The following RBMS2 variants were observed in gnomAD, a reference collection of about 807,000 sequenced individuals.
RBMS2 encodes the protein RNA-binding motif, single-stranded-interacting protein 2.
A neutral mutation model predicts 58.4 loss-of-function variants in RBMS2; 38 were observed. The observed-to-expected ratio is 0.65, with a 90% CI of 0.50 to 0.85. The LOEUF (loss-of-function observed/expected upper bound fraction) is 0.85, where lower values mean the gene tolerates loss of function less well. RBMS2 is among the 40% of genes least tolerant of loss of function. The pLI is 0.00. For missense variants in RBMS2, 367 were observed against 503.7 expected (o/e 0.73, Z 2.60); for synonymous variants, 151 against 180.7 (o/e 0.84, Z 1.32).
intron 1 of RBMS2, among the ~76,000 whole-genome samples, chr12:56,536,628 C>T (rs576485342): frequency 6.0e-5 from 9 of 150,766 alleles, no homozygotes; most frequent in East Asian, 3.9e-4. Flanking sequence ...AGTGCAGTGG[C>T]GTGATCTTGG....
At chr12:56,549,900 A>G (rs1179498710) in intron 1 of RBMS2, among the ~76,000 whole-genome samples, 1 of 152,056 alleles carries the variant, frequency 6.6e-6, no homozygotes, top group Admixed American at 6.6e-5. Context: ...GGTGGTGGGC[A>G]CTGTAATCCC....
Position 56,581,255 on chromosome 12 carries a change from G to C in RBMS2, c.614G>C (p.Gly205Ala), listed in dbSNP as rs371720843. ...FNGKYIKTPP[G>A]VPAPSDPLLC... ...GGAAAATATATTAAGACACCCCCTG[G>C]AGTACCAGGTGAGGCATCTGGGGCT... The change falls in exon 6 of 14, where the codon GGA becomes GCA. Residue 205 changes from glycine to alanine, a missense_variant. Gly to Ala is a moderately conservative substitution (Grantham distance 60, BLOSUM62 0). Transcript: ENST00000262031. 112 of 1,603,870 alleles carry C rather than the reference G, an allele frequency of 7.0e-5. No individual in the cohort carries two copies. Among genetic ancestry groups the C allele is most frequent in the Non-Finnish European group, 9.4e-5 (110 of 1,170,824 alleles).
intron 1 of RBMS2, among the ~76,000 whole-genome samples, chr12:56,536,969 G>A (rs1337890623): frequency 6.8e-6 from 1 of 147,664 alleles, no homozygotes; most frequent in Non-Finnish European, 1.5e-5. Context: ...TGTGCAGGCT[G>A]GAGTGCAGTG....
chr12:56,587,586 C>G lies in RBMS2; in HGVS notation c.984C>G (p.Pro328=), dbSNP rs78436673. The G allele has an allele frequency of 7.2e-4, 1,156 of 1,614,068 alleles. 9 individuals are homozygous for G. In the African/African-American group the frequency reaches 0.014, roughly 20 times the overall value. ...TTCTGACACCAGGGATGGACCATCC[C>G]ATTTCTCTCCAGCCTGCCTCCATGA... ...GSVLTPGMDH[P]ISLQPASMMG... The change falls in exon 11 of 14, where the codon CCC becomes CCG. Residue 328 remains proline, a synonymous_variant. Transcript: ENST00000262031.
chr12:56,587,277 A>AG (rs1884803725), intron 10 of RBMS2, among the ~76,000 whole-genome samples: 1 of 152,148 alleles, frequency 6.6e-6, no homozygotes, highest in African/African-American at 2.4e-5. Flanking sequence ...CAAAAAAAAA[A>AG]AAAAGGCCTT....
intron 1 of RBMS2, among the ~76,000 whole-genome samples, chr12:56,560,833 G>A (rs142423215): frequency 6.6e-6 from 1 of 152,084 alleles, no homozygotes; most frequent in African/African-American, 2.4e-5. Flanking sequence ...TGTCATGGGG[G>A]TTTGTTTTAC....
chr12:56,554,194 T>C (rs1038732979), intron 1 of RBMS2, among the ~76,000 whole-genome samples: 16 of 152,180 alleles, frequency 1.1e-4, no homozygotes, highest in Non-Finnish European at 2.1e-4. Flanking sequence ...TTCACCCATA[T>C]TGAGCTGTCA....
intron 5 of RBMS2, among the ~76,000 whole-genome samples, chr12:56,572,250 C>G (rs751082866): frequency 2.8e-5 from 4 of 143,748 alleles, no homozygotes; most frequent in Non-Finnish European, 6.0e-5. Context: ...GATCGCACCA[C>G]TGCACTGCAG....
Position 56,577,201 on chromosome 12 carries a change from C to T in RBMS2, c.543-3983C>T, listed in dbSNP as rs1049691579. On this transcript the variant is annotated intron_variant, in intron 5 of 13. Transcript: ENST00000262031. ...GGTGGATCACCTGAGGTCAGGAGTT[C>T]GAGACCAGCCTGGTCAACTCGGTGA... Among the ~76,000 whole-genome samples, 37 of 151,342 alleles carry T rather than the reference C, an allele frequency of 2.4e-4. 1 individual carries two copies. Among genetic ancestry groups the T allele is most frequent in the Admixed American group, 2.0e-3 (31 of 15,190 alleles).
At chr12:56,544,431 T>G (rs2136315558) in intron 1 of RBMS2, among the ~76,000 whole-genome samples, 1 of 152,304 alleles carries the variant, frequency 6.6e-6, no homozygotes, top group Non-Finnish European at 1.5e-5. Flanking sequence ...TGAGCTTCAG[T>G]AAAATATATT....
At position 56,582,149 on chromosome 12, in the gene RBMS2, T is replaced by C. The variant is rs771870950; in HGVS notation, c.870T>C (p.Tyr290=). ...SPYLSSPVSS[Y]QRVTQTSPLQ... ...ACCTTTCCTCTCCTGTGTCTTCGTA[T>C]CAGGTATGTTCATGCCTGAAAAATG... Residue 290 remains tyrosine (Y), a synonymous_variant, in exon 9 of 14, where the codon TAT becomes TAC. Transcript: ENST00000262031. 5.6e-5 allele frequency: 90 copies of C among 1,597,234 alleles called. 2 individuals are homozygous for C. The East Asian group carries it at 2.0e-3, about 35-fold the overall frequency.
At chr12:56,576,815 CG>C (rs998490039) in intron 5 of RBMS2, among the ~76,000 whole-genome samples, 3 of 150,408 alleles carry the variant, frequency 2.0e-5, no homozygotes, top group African/African-American at 7.3e-5. Context: ...CTGAGGTGGG[CG>C]GATCACTTGA....
chr12:56,561,607 C>T (rs538133225), intron 1 of RBMS2, among the ~76,000 whole-genome samples: 12 of 151,750 alleles, frequency 7.9e-5, no homozygotes, highest in South Asian at 4.2e-4. Flanking sequence ...CCCAGATTCA[C>T]GCCATTCTTC....
chr12:56,588,287 TTTCTAGTATATGCCGACGGCTGCAGCTA>T lies in RBMS2; in HGVS notation c.1063-5_1085del. 6.2e-7 allele frequency: 1 copy of T among 1,612,384 alleles called. No homozygotes were observed. Among genetic ancestry groups the T allele is most frequent in the African/African-American group, 1.3e-5 (1 of 75,004 alleles). Reference sequence around the variant, plus strand: ...TGCTGTAAGCCTGTTGATGTTTCTCTTTCTAGTATATGCCGACGGCTGCAGCTATGCAAGGAGCTTACATCTCCCAGTA... The same window carrying T: ...TGCTGTAAGCCTGTTGATGTTTCTCTTGCAAGGAGCTTACATCTCCCAGTA... On this transcript the variant is annotated splice_acceptor_variant and splice_polypyrimidine_tract_variant and coding_sequence_variant and intron_variant, in exon 12 of 14. Transcript: ENST00000262031. LOFTEE classifies it high-confidence loss of function.
chr12:56,545,899 A>G (rs1877075667), intron 1 of RBMS2, among the ~76,000 whole-genome samples: 1 of 150,300 alleles, frequency 6.7e-6, no homozygotes, highest in South Asian at 2.1e-4. Flanking sequence ...ATTTGTGTAC[A>G]GGTTTTGTGT....
intron 1 of RBMS2, among the ~76,000 whole-genome samples, chr12:56,536,915 T>C (rs1874991156): frequency 6.7e-6 from 1 of 150,368 alleles, no homozygotes; most frequent in African/African-American, 2.5e-5. Flanking sequence ...AAATTTACCA[T>C]CTTGAACTTT....
In RBMS2 at chr12:56,595,940, A is replaced by C. The variant is rs1398073787; in HGVS notation, c.*6807A>C. ...ACAGAGTCTTTTGAATCTCTATCAA[A>C]TGTGGTTTTTTTTATTCAACAACTG... is the stretch of plus-strand genomic sequence containing the variant. On this transcript the variant is annotated 3_prime_UTR_variant, in exon 14 of 14. Coordinates refer to ENST00000262031, the MANE Select transcript of RBMS2 (RefSeq NM_002898.4). 2.4e-4 allele frequency: 2 copies of C among 8,396 alleles called. No homozygotes were observed. The highest frequency in any genetic ancestry group is 6.6e-3 in the South Asian group (1 of 152). The allele number at this position is 8,396 out of a possible 1,614,324, so 0.5% of individuals were successfully genotyped here.
At chr12:56,534,417 C>T (rs1874374400) in intron 1 of RBMS2, among the ~76,000 whole-genome samples, 1 of 152,156 alleles carries the variant, frequency 6.6e-6, no homozygotes, top group African/African-American at 2.4e-5. Context: ...GAATATTCCA[C>T]TTTGGGAGAT....
At chr12:56,581,554 G>T in intron 7 of RBMS2, 46 bp downstream of exon 7, 1 of 1,545,676 alleles carries the variant, frequency 6.5e-7, no homozygotes, top group Non-Finnish European at 8.9e-7. Flanking sequence ...ACATTAAAGT[G>T]GAACGGAAAT....
Sources: allele counts gnomAD v4.1 joint callset (sites outside exome capture counted in the v4.1 genomes callset), GRCh38; gene constraint gnomAD v4.1.1; transcripts MANE v1.5; gene names NCBI Gene and HGNC (gene_info 2026-07-23, HGNC 2026-07-21).